The following SEPTIN6 variants were observed in gnomAD, a reference collection of about 807,000 sequenced individuals.
SEPTIN6 encodes the protein septin 6.
Under a neutral mutation model 33.6 loss-of-function variants are expected in SEPTIN6, and 8 were observed. That is an observed-to-expected ratio of 0.24 (90% CI 0.14 to 0.43). The LOEUF is 0.43. SEPTIN6 is among the 20% of genes least tolerant of loss of function. The pLI is 1.00. For missense variants in SEPTIN6, 250 were observed against 340.8 expected (o/e 0.73, Z 2.10); for synonymous variants, 131 against 140.0 (o/e 0.94, Z 0.45).
chrX:119,654,832 G>A (rs2054412338), intron 3 of SEPTIN6, among the ~76,000 whole-genome samples: 1 of 111,313 alleles, frequency 9.0e-6, no homozygotes, highest in Non-Finnish European at 1.9e-5. Context: ...TTATTCCTTT[G>A]ATCCCTCCGA....
At chrX:119,635,149 C>A (rs369704536) in intron 7 of SEPTIN6, 22 of 343,799 alleles carry the variant, frequency 6.4e-5, no homozygotes, top group African/African-American at 3.1e-4. Context: ...TTCTGATTAT[C>A]CTTGGGCAAC....
chrX:119,649,977 G>C lies in SEPTIN6; in HGVS notation c.650C>G (p.Thr217Arg). Reference protein sequence around the residue: ...SNGVQIYQFPTDDESVAEING... With the variant: ...SNGVQIYQFPRDDESVAEING... ...GATCTCTGCCACCGACTCATCATCTGTAGGAAACTGATAGATCTGGACTCC... is the reference window on the plus strand; with the variant it reads ...GATCTCTGCCACCGACTCATCATCTCTAGGAAACTGATAGATCTGGACTCC... Residue 217 changes from threonine (T) to arginine (R), a missense_variant, in exon 5 of 11, where the codon ACA becomes AGA. Physicochemically the swap from Thr to Arg is moderately conservative, Grantham distance 71. This residue lies in a region of SEPTIN6 where 139 missense variants were observed against 227.0 expected (regional missense o/e 0.61). Transcript: ENST00000394610. 8.3e-7 allele frequency: 1 copy of C among 1,211,786 alleles called. No individual in the cohort carries two copies. Among genetic ancestry groups the C allele is most frequent in the South Asian group, 1.8e-5 (1 of 57,009 alleles).
intron 10 of SEPTIN6, among the ~76,000 whole-genome samples, chrX:119,623,563 C>T (rs1011501646): frequency 1.8e-5 from 2 of 112,003 alleles, no homozygotes; most frequent in Non-Finnish European, 3.8e-5. Context: ...CTTCATCGGG[C>T]GCGGTGGCTC....
Position 119,663,581 on chromosome X carries a change from A to C in SEPTIN6, c.242T>G (p.Leu81Arg). The C allele has an allele frequency of 8.3e-7, 1 of 1,210,022 alleles. No individual in the cohort carries two copies. The highest frequency in any genetic ancestry group is 1.1e-6 in the Non-Finnish European group (1 of 894,747). ...PATHTQPGVQLQSNTYDLQES... is the reference protein window; with the variant it reads ...PATHTQPGVQRQSNTYDLQES... The stretch of plus-strand genomic sequence containing the variant: ...TTGGAGGTCATAGGTATTAGACTGG[A>C]GCTGGACACCCGGCTGTGTGTGGGT... Residue 81 changes from leucine (L) to arginine (R), a missense_variant, in exon 3 of 11, where the codon CTC (leucine) becomes CGC (arginine). Transcript: ENST00000394610.
chrX:119,661,936 T>C (rs60184020), intron 3 of SEPTIN6, among the ~76,000 whole-genome samples: 2,277 of 112,007 alleles, frequency 0.02, 62 homozygotes, highest in African/African-American at 0.068. Flanking sequence ...CGGGGTTTCA[T>C]GATGTTGGCC....
At chrX:119,663,336 G>T in intron 3 of SEPTIN6, 146 bp downstream of exon 3, 1 of 474,578 alleles carries the variant, frequency 2.1e-6, no homozygotes, top group Non-Finnish European at 3.6e-6. Context: ...GCCTATGCTT[G>T]GGAGGTACCT....
rs1603317363 is a variant in SEPTIN6 at position 119,619,118 on chromosome X, A to G, written c.*975T>C. The stretch of plus-strand genomic sequence containing the variant: ...AATCATCATGACATTCACCAAATGA[A>G]CTAGAAGACTCATCAGAGCAAACCC... On this transcript the variant is annotated 3_prime_UTR_variant, in exon 11 of 11. Transcript: ENST00000394610. 1.1e-6 allele frequency: 1 copy of G among 886,317 alleles called. No individual in the cohort carries two copies. Among genetic ancestry groups the G allele is most frequent in the East Asian group, 5.3e-5 (1 of 18,910 alleles). 73.0% of individuals were successfully genotyped at this position (886,317 alleles called of 1,213,427 possible).
intron 5 of SEPTIN6, among the ~76,000 whole-genome samples, chrX:119,643,616 G>A (rs2054193823): frequency 9.0e-6 from 1 of 111,370 alleles, no homozygotes; most frequent in African/African-American, 3.3e-5. Context: ...GCTTTGATAA[G>A]TATATGCAAG....
At chrX:119,623,723 C>T (rs1030827834) in intron 10 of SEPTIN6, among the ~76,000 whole-genome samples, 5 of 111,487 alleles carry the variant, frequency 4.5e-5, no homozygotes, top group African/African-American at 1.6e-4. Flanking sequence ...CCTATAATCC[C>T]AGCTACTTGG....
chrX:119,664,181 A>G (rs963295735), intron 2 of SEPTIN6, among the ~76,000 whole-genome samples: 5 of 111,263 alleles, frequency 4.5e-5, no homozygotes, highest in African/African-American at 1.3e-4. Context: ...ATGGGGTTTC[A>G]CCATCTTGGC....
chrX:119,616,889 T>C (rs763687221), downstream of SEPTIN6: 29 of 1,090,362 alleles, frequency 2.7e-5, no homozygotes, highest in African/African-American at 4.7e-4. Flanking sequence ...GGGTCATTGC[T>C]GGGCCATCAC....
Position 119,675,890 on chromosome X carries a change from C to T in SEPTIN6, c.31-222G>A, listed in dbSNP as rs111679924. On this transcript the variant is annotated intron_variant, in intron 1 of 10. Coordinates refer to ENST00000394610, the MANE Select transcript of SEPTIN6 (RefSeq NM_145799.4). ...ATCCTCTAGGCTCAATAGTGAATGT[C>T]GCCACAGCTCCAGAGAAAATTACAG... Among the ~76,000 whole-genome samples the T allele has an allele frequency of 3.3e-3, 365 of 110,590 alleles. 4 individuals carry two copies. Among genetic ancestry groups the T allele is most frequent in the African/African-American group, 0.012 (350 of 30,405 alleles).
At chrX:119,671,267 G>T (rs1237595871) in intron 2 of SEPTIN6, among the ~76,000 whole-genome samples, 4 of 108,442 alleles carry the variant, frequency 3.7e-5, no homozygotes, top group Non-Finnish European at 7.7e-5. Flanking sequence ...GCAACATAGT[G>T]AGACCTCATC....
chrX:119,679,598 G>A lies in SEPTIN6; in HGVS notation c.31-3930C>T, dbSNP rs756132092. On this transcript the variant is annotated intron_variant, in intron 1 of 10. Transcript: ENST00000394610. ...GCCTCTGCCGGGAGCAGTGGCTCAC[G>A]CCTGTAATCCCAGCACTTTGGGAGG... 4.5e-5 allele frequency among the ~76,000 whole-genome samples: 5 copies of A among 111,948 alleles called. No homozygotes were observed. In the South Asian group the frequency reaches 1.1e-3, roughly 25 times the overall value.
chrX:119,635,246 G>C (rs2054043616), intron 7 of SEPTIN6: 3 of 260,522 alleles, frequency 1.2e-5, no homozygotes, highest in South Asian at 7.7e-5. Flanking sequence ...TACAGAGCTT[G>C]ATTTTCGGGG....
intron 2 of SEPTIN6, among the ~76,000 whole-genome samples, chrX:119,667,588 A>T (rs1448769594): frequency 9.0e-6 from 1 of 110,994 alleles, no homozygotes; most frequent in Non-Finnish European, 1.9e-5. Context: ...ATCAGTGTAG[A>T]GCCTGGGGGT....
chrX:119,657,953 G>T (rs763409307), intron 3 of SEPTIN6, among the ~76,000 whole-genome samples: 1 of 110,644 alleles, frequency 9.0e-6, no homozygotes, highest in East Asian at 2.9e-4. Context: ...GTGAAACCCC[G>T]TCTCTACTAA....
At chrX:119,620,319 C>CT (rs11374271) in intron 10 of SEPTIN6, among the ~76,000 whole-genome samples, 1,692 of 95,830 alleles carry the variant, frequency 0.018, 53 homozygotes, top group African/African-American at 0.055. Flanking sequence ...ATCTTTCTTT[C>CT]TTTTTTTTTT....
At chrX:119,668,340 G>GAGAGAC (rs920401917) in intron 2 of SEPTIN6, among the ~76,000 whole-genome samples, 1 of 111,220 alleles carries the variant, frequency 9.0e-6, no homozygotes, top group African/African-American at 3.3e-5. Flanking sequence ...GAGACAGAGA[G>GAGAGAC]AGAGACAGAG....
Sources: gnomAD v4.1 joint callset for allele counts (sites outside exome capture counted in the v4.1 genomes callset) on GRCh38, gnomAD v4.1.1 for gene constraint, gnomAD v4.1.1 regional missense constraint, MANE v1.5 for transcripts, NCBI Gene and HGNC (gene_info 2026-07-23, HGNC 2026-07-21) for gene names.